CHAD: variants seen among roughly 807,000 people sequenced by gnomAD.
CHAD encodes the protein chondroadherin.
In CHAD, 18 loss-of-function variants were observed where a neutral mutation model predicts 24.0. The ratio of observed to expected loss-of-function variants is 0.75; its 90% CI spans 0.52 to 1.11. CHAD has a LOEUF of 1.11. Ranked by LOEUF, CHAD falls within the 50% of genes most tolerant of loss-of-function variation. The probability of loss-of-function intolerance (pLI) is 0.00; values close to 1 mark genes in which losing one functional copy is unlikely to be tolerated. For missense variants in CHAD, 440 were observed against 467.2 expected, an observed-to-expected ratio of 0.94 and a Z score of 0.54; for synonymous variants, 195 against 211.6, an observed-to-expected ratio of 0.92 and a Z score of 0.68.
rs755237341 is a variant in CHAD at position 50,468,590 on chromosome 17, G to T, written c.224C>A (p.Pro75Gln). The change falls in exon 1 of 4, where the codon CCG (proline) becomes CAG (glutamine). Residue 75 changes from proline to glutamine, a missense_variant. Coordinates refer to ENST00000508540, the MANE Select transcript of CHAD (RefSeq NM_001267.3). ...CTGCAGGTGCAATGACACGAGGTTC[G>T]GCATGGCCCGGAACGAATTGGCAGC... ...VLAANSFRAM[P>Q]NLVSLHLQHC... 6.2e-7 allele frequency: 1 copy of T among 1,614,154 alleles called. No individual in the cohort carries two copies. The highest frequency in any genetic ancestry group is 8.5e-7 in the Non-Finnish European group (1 of 1,179,974).
In CHAD at chr17:50,468,780, GGCCGAGGCTGA is replaced by G. The variant is rs2032929768; in HGVS notation, c.23_33del (p.Leu8ProfsTer98). The G allele has an allele frequency of 6.4e-7, 1 of 1,570,842 alleles. No homozygotes were observed. Among genetic ancestry groups the G allele is most frequent in the Admixed American group, 1.8e-5 (1 of 54,090 alleles). On this transcript the variant is annotated frameshift_variant, in exon 1 of 4. Coordinates refer to ENST00000508540, the MANE Select transcript of CHAD (RefSeq NM_001267.3). LOFTEE classifies it high-confidence loss of function. ...AGCGCCGGCAGCAGACCAGCCAGGA[GGCCGAGGCTGA>G]GCAAGAGCATTGGGCGGACCATGGC...
Position 50,465,890 on chromosome 17 carries a change from C to G in CHAD, c.775-20G>C, listed in dbSNP as rs750586310. 29 of 1,613,232 alleles carry G rather than the reference C, an allele frequency of 1.8e-5. No individual in the cohort carries two copies. ...TGAGAACTGGGGAGCAAGGTGGGAG[C>G]AAGGTGGGAGCAAGGTGGTCATGAG... On this transcript the variant is annotated intron_variant, in intron 1 of 3. Coordinates refer to ENST00000508540, the MANE Select transcript of CHAD (RefSeq NM_001267.3).
chr17:50,467,473 G>A (rs2032808154), intron 1 of CHAD, among the ~76,000 whole-genome samples: 1 of 152,176 alleles, frequency 6.6e-6, no homozygotes, highest in Non-Finnish European at 1.5e-5. Context: ...GATTGGGCAG[G>A]GCCATCCACC....
chr17:50,467,169 C>A (rs1480673431), intron 1 of CHAD, among the ~76,000 whole-genome samples: 2 of 152,232 alleles, frequency 1.3e-5, no homozygotes, highest in Non-Finnish European at 2.9e-5. Context: ...GTAGCCCCAC[C>A]TGGCCAGACA....
Position 50,468,023 on chromosome 17 carries a change from C to A in CHAD, c.774+17G>T. On this transcript the variant is annotated intron_variant, in intron 1 of 3. Coordinates refer to ENST00000508540, the MANE Select transcript of CHAD (RefSeq NM_001267.3). The stretch of plus-strand genomic sequence containing the variant: ...GGGAAGAAGGAACCAGGGCAGAGCC[C>A]ACAGCCAGGAGCTCACCTTCTCCAG... The A allele has an allele frequency of 6.4e-7, 1 of 1,561,302 alleles. No homozygotes were observed. The highest frequency in any genetic ancestry group is 8.7e-7 in the Non-Finnish European group (1 of 1,150,042).
At chr17:50,465,535 G>T in intron 2 of CHAD, 96 bp from the exon 3 acceptor site, 1 of 1,509,862 alleles carries the variant, frequency 6.6e-7, no homozygotes, top group African/African-American at 1.4e-5. Context: ...TTGGCCACAG[G>T]ATAGTCTGAA....
Position 50,465,451 on chromosome 17 carries a change from G to A in CHAD, c.939-12C>T. The A allele has an allele frequency of 6.2e-7, 1 of 1,613,534 alleles. No homozygotes were observed. Among genetic ancestry groups the A allele is most frequent in the Non-Finnish European group, 8.5e-7 (1 of 1,179,914 alleles). ...TGGCTTCCAGCCACCTGGAGAGACAGAAACTTGCTGGGGCTGGGGAAGAAG... is the reference window on the plus strand; with the variant it reads ...TGGCTTCCAGCCACCTGGAGAGACAAAAACTTGCTGGGGCTGGGGAAGAAG... On this transcript the variant is annotated splice_polypyrimidine_tract_variant and intron_variant, in intron 2 of 3. Transcript: ENST00000508540.
intron 1 of CHAD, among the ~76,000 whole-genome samples, chr17:50,467,616 C>T (rs538925792): frequency 3.9e-5 from 6 of 152,296 alleles, no homozygotes; most frequent in Middle Eastern, 3.4e-3. Flanking sequence ...CCTGATCTGC[C>T]CAGCTCCTCT....
rs141537404 is a variant in CHAD, at chr17:50,465,395, G to A, written c.983C>T (p.Ser328Leu). Residue 328 changes from serine to leucine, a missense_variant, in exon 3 of 4, where the codon TCA becomes TTA. By Grantham distance (145) the Ser-to-Leu change is moderately radical. Coordinates refer to ENST00000508540, the MANE Select transcript of CHAD (RefSeq NM_001267.3). ...KASRPDATCA[S>L]PAKFKGQHIR... is the part of the protein sequence containing the mutation. ...GTGCTGGCCCTTGAACTTGGCAGGT[G>A]AGGCACAGGTGGCATCTGGGCGGGA... 40 of 1,613,924 alleles carry A rather than the reference G, an allele frequency of 2.5e-5. No individual in the cohort carries two copies. Among genetic ancestry groups the A allele is most frequent in the Non-Finnish European group, 3.4e-5 (40 of 1,180,028 alleles).
In CHAD at chr17:50,465,035, T is replaced by A. The variant is rs1200248999; in HGVS notation, c.*19A>T. The A allele has an allele frequency of 3.6e-5, 18 of 497,146 alleles. No homozygotes were observed. Among genetic ancestry groups the A allele is most frequent in the Non-Finnish European group, 1.1e-5 (3 of 274,408 alleles). 30.8% of individuals were successfully genotyped at this position (497,146 alleles called of 1,614,324 possible). On this transcript the variant is annotated 3_prime_UTR_variant, in exon 4 of 4. Transcript: ENST00000508540. ...GAAGGCAGAGGCCAGTCACCAGGAC[T>A]GGCTGGGTCAGAACCTGCAAAGAGG...
Position 50,468,475 on chromosome 17 carries a change from C to T in CHAD, c.339G>A (p.Val113=). 1 of 1,614,260 alleles carries T rather than the reference C, an allele frequency of 6.2e-7. No individual in the cohort carries two copies. The highest frequency in any genetic ancestry group is 1.1e-5 in the South Asian group (1 of 91,090). The change falls in exon 1 of 4, where the codon GTG becomes GTA. Residue 113 remains valine (V), a synonymous_variant. Transcript: ENST00000508540. ...GGTCGTCGAAGGCACCTGCGCGCAG[C>T]ACGCGGATGTCGTTATGGGACAGGT... The part of the protein sequence containing the change: ...YLYLSHNDIR[V]LRAGAFDDLT...
At chr17:50,467,723 G>T in intron 1 of CHAD, 1 of 283,696 alleles carries the variant, frequency 3.5e-6, no homozygotes, top group Non-Finnish European at 6.5e-6. Context: ...CCAACAGGAA[G>T]AGGTGGCTGC....
Position 50,465,718 on chromosome 17 carries a change from C to T in CHAD, c.927G>A (p.Arg309=). The T allele has an allele frequency of 1.9e-6, 3 of 1,613,196 alleles. No homozygotes were observed. The highest frequency in any genetic ancestry group is 2.5e-6 in the Non-Finnish European group (3 of 1,179,854). The change falls in exon 2 of 4, where the codon CGG becomes CGA. Residue 309 remains arginine (R), a synonymous_variant. Coordinates refer to ENST00000508540, the MANE Select transcript of CHAD (RefSeq NM_001267.3). ...GGAAGTGTTCTTACCGCCGAAGGCC[C>T]CGGAGCTGGCAGGTACACTTCCAGG... ...NNPWKCTCQL[R]GLRRWLEAKA...
intron 1 of CHAD, chr17:50,467,797 G>A: frequency 2.1e-6 from 1 of 476,502 alleles, no homozygotes; most frequent in African/African-American, 1.9e-5. Context: ...TGGGGCCAGG[G>A]CAGTCCCACT....
Position 50,465,451 on chromosome 17 carries a change from GA to G in CHAD, c.939-13del. 1 of 1,613,534 alleles carries G rather than the reference GA, an allele frequency of 6.2e-7. No individual in the cohort carries two copies. The highest frequency in any genetic ancestry group is 8.5e-7 in the Non-Finnish European group (1 of 1,179,914). ...TGGCTTCCAGCCACCTGGAGAGACA[GA>G]AACTTGCTGGGGCTGGGGAAGAAGG... On this transcript the variant is annotated splice_polypyrimidine_tract_variant and intron_variant, in intron 2 of 3. Coordinates refer to ENST00000508540, the MANE Select transcript of CHAD (RefSeq NM_001267.3).
At position 50,465,371 on chromosome 17, in the gene CHAD, T is replaced by C; in HGVS notation, c.1007A>G (p.His336Arg). Residue 336 changes from histidine to arginine, a missense_variant, in exon 3 of 4, where the codon CAC (histidine) becomes CGC (arginine). Coordinates refer to ENST00000508540, the MANE Select transcript of CHAD (RefSeq NM_001267.3). Reference protein sequence around the residue: ...CASPAKFKGQHIRDTDAFRSC... With the variant: ...CASPAKFKGQRIRDTDAFRSC... ...GCGGAAGGCGTCCGTGTCACGGATG[T>C]GCTGGCCCTTGAACTTGGCAGGTGA... 1 of 1,613,974 alleles carries C rather than the reference T, an allele frequency of 6.2e-7. No homozygotes were observed. The highest frequency in any genetic ancestry group is 1.3e-5 in the African/African-American group (1 of 74,964).
At position 50,468,359 on chromosome 17, in the gene CHAD, A is replaced by C; in HGVS notation, c.455T>G (p.Leu152Trp). The C allele has an allele frequency of 6.2e-7, 1 of 1,614,214 alleles. No individual in the cohort carries two copies. The highest frequency in any genetic ancestry group is 8.5e-7 in the Non-Finnish European group (1 of 1,180,040). The part of the protein sequence containing the change: ...LLSPLVNLFI[L>W]QLNNNKIREL... ...ACGGATCTTGTTGTTGTTGAGCTGC[A>C]AGATGAAGAGGTTGACCAGCGGGGA... The change falls in exon 1 of 4, where the codon TTG becomes TGG. Residue 152 changes from leucine to tryptophan, a missense_variant. Coordinates refer to ENST00000508540, the MANE Select transcript of CHAD (RefSeq NM_001267.3).
intron 1 of CHAD, among the ~76,000 whole-genome samples, chr17:50,467,556 C>G (rs950162077): frequency 2.6e-5 from 4 of 152,332 alleles, no homozygotes; most frequent in African/African-American, 7.2e-5. Context: ...CCCCCACTCC[C>G]CCTTAGCACA....
In CHAD at chr17:50,468,481, G is replaced by C. The variant is rs1210847909; in HGVS notation, c.333C>G (p.Ile111Met). ...LIYLYLSHND[I>M]RVLRAGAFDD... is the part of the protein sequence containing the mutation. ...CGAAGGCACCTGCGCGCAGCACGCG[G>C]ATGTCGTTATGGGACAGGTACAAGT... Residue 111 changes from isoleucine to methionine, a missense_variant, in exon 1 of 4, where the codon ATC becomes ATG. Ile to Met is a conservative substitution (Grantham distance 10). Coordinates refer to ENST00000508540, the MANE Select transcript of CHAD (RefSeq NM_001267.3). The C allele has an allele frequency of 4.3e-6, 7 of 1,614,158 alleles. No individual in the cohort carries two copies. Among genetic ancestry groups the C allele is most frequent in the Non-Finnish European group, 5.9e-6 (7 of 1,180,052 alleles).
Sources: allele counts gnomAD v4.1 joint callset (sites outside exome capture counted in the v4.1 genomes callset), GRCh38; gene constraint gnomAD v4.1.1; transcripts MANE v1.5; gene names NCBI Gene and HGNC (gene_info 2026-07-23, HGNC 2026-07-21).